The following WDFY4 variants were observed in gnomAD, a reference collection of about 807,000 sequenced individuals.
WDFY4 encodes WD repeat- and FYVE domain-containing protein 4.
Under a neutral mutation model 351.9 loss-of-function variants are expected in WDFY4, and 169 were observed. That is an observed-to-expected ratio of 0.48 (90% confidence interval 0.42 to 0.55). WDFY4 has a LOEUF of 0.55. Ranked by LOEUF, WDFY4 falls within the 20% of genes least tolerant of loss-of-function variation. The probability of loss-of-function intolerance (pLI) is 0.00; values close to 1 mark genes in which losing one functional copy is unlikely to be tolerated. For synonymous variants in WDFY4, 1,622 were observed against 1,574.6 expected, an observed-to-expected ratio of 1.03 and a Z score of -0.71; for missense variants, 3,803 against 3,935.6, an observed-to-expected ratio of 0.97 and a Z score of 0.90.
At chr10:48,937,732 T>TG (rs1305649630) in intron 47 of WDFY4, among the ~76,000 whole-genome samples, 3 of 152,236 alleles carry the variant, frequency 2.0e-5, no homozygotes, top group African/African-American at 7.2e-5. Context: ...AGAGGTTTAA[T>TG]GAGCTGTTCA....
At chr10:48,945,251 C>T (rs577444127) in intron 49 of WDFY4, among the ~76,000 whole-genome samples, 1 of 152,244 alleles carries the variant, frequency 6.6e-6, no homozygotes, top group South Asian at 2.1e-4. Context: ...TGGCACGCAC[C>T]TGTAGTCCCA....
chr10:48,949,608 C>T (rs567480430), intron 51 of WDFY4, among the ~76,000 whole-genome samples: 1 of 152,186 alleles, frequency 6.6e-6, no homozygotes, highest in Non-Finnish European at 1.5e-5. Context: ...GCACTACTCC[C>T]AACCTGGGGT....
intron 1 of WDFY4, among the ~76,000 whole-genome samples, chr10:48,704,004 C>T (rs1406347296): frequency 2.6e-5 from 4 of 152,186 alleles, no homozygotes; most frequent in South Asian, 4.1e-4. Flanking sequence ...TGGGTCCCTG[C>T]AGGCTCGCCA....
chr10:48,714,640 G>T (rs1309589769), intron 2 of WDFY4, among the ~76,000 whole-genome samples: 3 of 152,182 alleles, frequency 2.0e-5, no homozygotes, highest in African/African-American at 7.2e-5. Context: ...TCCTCATTTT[G>T]CACAGAGATA....
chr10:48,945,360 A>G (rs964181935), intron 49 of WDFY4, among the ~76,000 whole-genome samples: 4 of 152,214 alleles, frequency 2.6e-5, no homozygotes, highest in African/African-American at 9.6e-5. Flanking sequence ...TGGGCAACAG[A>G]GCGAGATTCT....
In WDFY4 at chr10:48,727,489, C is replaced by T; in HGVS notation, c.801C>T (p.Leu267=). 1 of 1,551,742 alleles carries T rather than the reference C, an allele frequency of 6.4e-7. No homozygotes were observed. The highest frequency in any genetic ancestry group is 1.2e-5 in the South Asian group (1 of 84,054). The change falls in exon 7 of 62, where the codon CTC becomes CTT. Residue 267 remains leucine (L), a synonymous_variant. Coordinates refer to ENST00000325239, the MANE Select transcript of WDFY4 (RefSeq NM_001394531.1). Reference sequence around the variant, plus strand: ...CTGCAGCCACAGACTGTGTCAGGCTCTCCCTCCAGAACCTCTCCAGGCTCA... The same window carrying T: ...CTGCAGCCACAGACTGTGTCAGGCTTTCCCTCCAGAACCTCTCCAGGCTCA... ...QYLQATDCVR[L]SLQNLSRLTD...
chr10:48,718,768 G>A (rs1051354279), intron 2 of WDFY4, among the ~76,000 whole-genome samples: 26 of 152,344 alleles, frequency 1.7e-4, no homozygotes, highest in African/African-American at 6.0e-4. Flanking sequence ...AGAACAAAGA[G>A]AAAAGGCCAT....
chr10:48,698,268 G>A (rs374320511), intron 1 of WDFY4, among the ~76,000 whole-genome samples: 5 of 152,160 alleles, frequency 3.3e-5, no homozygotes, highest in East Asian at 1.9e-4. Context: ...GTCTTCTAGC[G>A]TGGGAGATTA....
intron 45 of WDFY4, among the ~76,000 whole-genome samples, chr10:48,899,044 G>C (rs1411849715): frequency 6.6e-6 from 1 of 152,168 alleles, no homozygotes; most frequent in Non-Finnish European, 1.5e-5. Context: ...ATGTTATATA[G>C]AGTAGCAGAT....
At chr10:48,761,396 G>A (rs2065500071) in intron 13 of WDFY4, among the ~76,000 whole-genome samples, 1 of 152,152 alleles carries the variant, frequency 6.6e-6, no homozygotes, top group Non-Finnish European at 1.5e-5. Flanking sequence ...GGGTTGAGAG[G>A]AAGAGGCAAG....
chr10:48,919,951 TAAGA>T (rs1838904098), intron 47 of WDFY4, among the ~76,000 whole-genome samples: 3 of 152,116 alleles, frequency 2.0e-5, no homozygotes, highest in Non-Finnish European at 4.4e-5. Flanking sequence ...CAAAGACATA[TAAGA>T]AAGAGATCTT....
At chr10:48,912,574 A>G (rs1254028272) in intron 47 of WDFY4, among the ~76,000 whole-genome samples, 1 of 152,212 alleles carries the variant, frequency 6.6e-6, no homozygotes, top group Admixed American at 6.5e-5. Flanking sequence ...TCCAGCTTGC[A>G]CCAGGCAAGC....
chr10:48,913,412 C>T, intron 47 of WDFY4: 1 of 1,612,444 alleles, frequency 6.2e-7, no homozygotes, highest in Non-Finnish European at 8.5e-7. Context: ...CCCAGGAGTC[C>T]TTGGCCATGG....
At chr10:48,901,609 T>C (rs1837356067) in intron 46 of WDFY4, among the ~76,000 whole-genome samples, 192 bp from the exon 47 acceptor site, 2 of 152,178 alleles carry the variant, frequency 1.3e-5, no homozygotes, top group Non-Finnish European at 1.5e-5. Flanking sequence ...AAGGCAATAG[T>C]GTGTAATGCC....
chr10:48,770,204 C>A (rs1039294332), intron 13 of WDFY4, among the ~76,000 whole-genome samples: 15 of 152,162 alleles, frequency 9.9e-5, no homozygotes, highest in African/African-American at 3.1e-4. Flanking sequence ...GGGTATTGAG[C>A]AATTTTGGAG....
At chr10:48,850,552 C>A (rs2068925108) in intron 39 of WDFY4, among the ~76,000 whole-genome samples, 1 of 152,124 alleles carries the variant, frequency 6.6e-6, no homozygotes. Context: ...TCCACTATAA[C>A]CCTTTCTAAC....
chr10:48,734,119 T>C (rs2132356031), intron 10 of WDFY4, 84 bp downstream of exon 10: 1 of 1,246,690 alleles, frequency 8.0e-7, no homozygotes, highest in South Asian at 1.3e-5. Flanking sequence ...GTTCACAGGT[T>C]ATACTCAAGG....
intron 55 of WDFY4, chr10:48,967,744 G>A (rs897449960): frequency 6.6e-6 from 1 of 152,320 alleles, no homozygotes; most frequent in East Asian, 1.9e-4. Context: ...TCGGGTGCCA[G>A]TGTCATCTGA....
intron 51 of WDFY4, among the ~76,000 whole-genome samples, chr10:48,952,838 A>G (rs922802768): frequency 2.6e-5 from 4 of 152,200 alleles, no homozygotes; most frequent in South Asian, 2.1e-4. Context: ...GGGCTTCCCA[A>G]CGCCATGAGG....
Sources: gnomAD v4.1 joint callset for allele counts (sites outside exome capture counted in the v4.1 genomes callset) on GRCh38, gnomAD v4.1.1 for gene constraint, MANE v1.5 for transcripts, NCBI Gene and HGNC (gene_info 2026-07-23, HGNC 2026-07-21) for gene names.